The following UGT2B28 variants were observed in gnomAD, a reference collection of about 807,000 sequenced individuals.
The protein encoded by UGT2B28 is UDP glucuronosyltransferase family 2 member B28.
In UGT2B28, 45 loss-of-function variants were observed where a neutral mutation model predicts 43.6. That is an observed-to-expected ratio of 1.03 (90% CI 0.81 to 1.32). The LOEUF is 1.32. UGT2B28 is among the 40% of genes most tolerant of loss of function. The pLI, the probability that UGT2B28 is intolerant of heterozygous loss-of-function variation, is 0.00. For missense variants in UGT2B28, 649 were observed against 625.5 expected, an observed-to-expected ratio of 1.04 and a Z score of -0.40; for synonymous variants, 204 against 208.1, an observed-to-expected ratio of 0.98 and a Z score of 0.17.
intron 5 of UGT2B28, among the ~76,000 whole-genome samples, chr4:69,293,367 G>T (rs1468868832): frequency 7.1e-6 from 1 of 140,160 alleles, no homozygotes; most frequent in Non-Finnish European, 1.5e-5. Context: ...TGTTCAAGAT[G>T]ATCTTCCATT....
At chr4:69,285,648 A>T (rs1399475038) in intron 2 of UGT2B28, among the ~76,000 whole-genome samples, 1 of 141,296 alleles carries the variant, frequency 7.1e-6, no homozygotes, top group East Asian at 2.0e-4. Flanking sequence ...ACATTTAGAC[A>T]TTTTTTTCTT....
chr4:69,290,833 A>G, intron 5 of UGT2B28, 22 bp downstream of exon 5: 1 of 1,548,310 alleles, frequency 6.5e-7, no homozygotes, highest in Non-Finnish European at 8.7e-7. Context: ...AGTATTTTTC[A>G]CTAGGTGGTA....
At chr4:69,291,121 C>T (rs1329592662) in intron 5 of UGT2B28, among the ~76,000 whole-genome samples, 2 of 140,226 alleles carry the variant, frequency 1.4e-5, no homozygotes, top group Non-Finnish European at 3.0e-5. Context: ...GAAGAATAAA[C>T]TTGAAATATT....
intron 3 of UGT2B28, among the ~76,000 whole-genome samples, chr4:69,289,379 G>C (rs771396319): frequency 7.1e-6 from 1 of 140,196 alleles, no homozygotes; most frequent in Non-Finnish European, 1.5e-5. Context: ...ATGGTTGGCC[G>C]CAGGTAGGTC....
chr4:69,283,398 A>C (rs545726980), intron 2 of UGT2B28, among the ~76,000 whole-genome samples: 6 of 140,198 alleles, frequency 4.3e-5, no homozygotes, highest in Non-Finnish European at 7.6e-5. Context: ...TTAAGAAATA[A>C]ATATATATGA....
Position 69,283,021 on chromosome 4 carries a change from G to T in UGT2B28, c.870+359G>T, listed in dbSNP as rs552081734. Among the ~76,000 whole-genome samples the T allele has an allele frequency of 1.1e-4, 15 of 140,276 alleles. 1 individual carries two copies. The highest frequency in any genetic ancestry group is 3.9e-4 in the African/African-American group (14 of 35,914). The allele number at this position is 140,276 out of a possible 152,430, so 92.0% of individuals were successfully genotyped here. A position where few individuals can be genotyped will look rare whatever the true frequency, so the allele number is the denominator to read the frequency against. On this transcript the variant is annotated intron_variant, in intron 2 of 5. Transcript: ENST00000335568. ...CAGAGAAAAAAAATAGACAGTTTCC[G>T]TCTGCACATACCTTACATTCTACTT... is the stretch of plus-strand genomic sequence containing the variant.
intron 5 of UGT2B28, among the ~76,000 whole-genome samples, chr4:69,292,765 A>G (rs1382586155): frequency 7.1e-6 from 1 of 140,400 alleles, no homozygotes; most frequent in African/African-American, 2.8e-5. Context: ...CTTAGGAAAT[A>G]TAAAAAGATT....
chr4:69,282,323 T>C (rs1423774944), intron 1 of UGT2B28, among the ~76,000 whole-genome samples, 191 bp from the exon 2 acceptor site: 3 of 140,180 alleles, frequency 2.1e-5, no homozygotes, highest in Non-Finnish European at 4.6e-5. Flanking sequence ...TTGCCTTTCT[T>C]ATAAATAAAC....
At chr4:69,292,007 T>C (rs961239999) in intron 5 of UGT2B28, among the ~76,000 whole-genome samples, 4 of 140,544 alleles carry the variant, frequency 2.8e-5, no homozygotes, top group Admixed American at 7.1e-5. Context: ...TGATCATTCA[T>C]ATATCTTCTT....
chr4:69,290,255 C>G (rs539586949), intron 4 of UGT2B28, among the ~76,000 whole-genome samples: 1 of 139,954 alleles, frequency 7.1e-6, no homozygotes, highest in South Asian at 2.4e-4. Flanking sequence ...CTTGCACACC[C>G]CACATATCAC....
At position 69,281,124 on chromosome 4, in the gene UGT2B28, G is replaced by C. The variant is rs1251373684; in HGVS notation, c.624G>C (p.Met208Ile). 3.2e-6 allele frequency: 5 copies of C among 1,558,592 alleles called. 2 individuals carry two copies. The highest frequency in any genetic ancestry group is 4.3e-6 in the Non-Finnish European group (5 of 1,155,060). ...AATTAAGTGATCAAATGACTTTCATGGAGAGGGTAAAAAACATGATCTATG... is the reference window on the plus strand; with the variant it reads ...AATTAAGTGATCAAATGACTTTCATCGAGAGGGTAAAAAACATGATCTATG... ...MSKLSDQMTF[M>I]ERVKNMIYVL... The change falls in exon 1 of 6, where the codon ATG becomes ATC. Residue 208 changes from methionine (M) to isoleucine (I), a missense_variant. Transcript: ENST00000335568.
chr4:69,290,409 G>A lies in UGT2B28; in HGVS notation c.1091-183G>A, dbSNP rs762943585. ...ATTCAGTTTTGCACCCTGAAGTTAT[G>A]CACACCACGGAGACTTCAATTACAT... On this transcript the variant is annotated intron_variant, in intron 4 of 5. Coordinates refer to ENST00000335568, the MANE Select transcript of UGT2B28 (RefSeq NM_053039.2). 1.0e-4 allele frequency among the ~76,000 whole-genome samples: 14 copies of A among 139,926 alleles called. 3 individuals carry two copies. Among genetic ancestry groups the A allele is most frequent in the Admixed American group, 2.9e-4 (4 of 13,868 alleles). 91.8% of individuals were successfully genotyped at this position (139,926 alleles called of 152,430 possible). A position where few individuals can be genotyped will look rare whatever the true frequency, so the allele number is the denominator to read the frequency against.
intron 3 of UGT2B28, 124 bp from the exon 4 acceptor site, chr4:69,289,541 T>A: frequency 1.1e-6 from 1 of 883,178 alleles, no homozygotes; most frequent in South Asian, 2.7e-5. Flanking sequence ...TGTTTTTACA[T>A]CAATCTCTGA....
rs565323989 is a variant in UGT2B28, at chr4:69,292,562, T to A, written c.1310+1751T>A. ...TTTTAATAAAAGAGCAAATAATGAG[T>A]AAGGACATAAAACACTTGAAGAATA... On this transcript the variant is annotated intron_variant, in intron 5 of 5. Coordinates refer to ENST00000335568, the MANE Select transcript of UGT2B28 (RefSeq NM_053039.2). Among the ~76,000 whole-genome samples the A allele has an allele frequency of 2.2e-3, 307 of 140,350 alleles. 71 individuals are homozygous for A. The highest frequency in any genetic ancestry group is 8.4e-3 in the African/African-American group (301 of 36,004). 92.1% of individuals were successfully genotyped at this position (140,350 alleles called of 152,430 possible).
rs1159988457 is a variant in UGT2B28, at chr4:69,286,402, TC to T, written c.871-348del. Among the ~76,000 whole-genome samples the T allele has an allele frequency of 2.8e-5, 4 of 140,584 alleles. 1 individual carries two copies. The highest frequency in any genetic ancestry group is 6.1e-5 in the Non-Finnish European group (4 of 65,830). The allele number at this position is 140,584 out of a possible 152,430, so 92.2% of individuals were successfully genotyped here. ...CATTAAAGCCTAGTGGTGCCACTTTTCCAAGAACTTATATTAGTAATTATAG... is the reference window on the plus strand; with the variant it reads ...CATTAAAGCCTAGTGGTGCCACTTTTCAAGAACTTATATTAGTAATTATAG... On this transcript the variant is annotated intron_variant, in intron 2 of 5. Coordinates refer to ENST00000335568, the MANE Select transcript of UGT2B28 (RefSeq NM_053039.2).
chr4:69,280,724 A>C lies in UGT2B28; in HGVS notation c.224A>C (p.Glu75Ala). 6.4e-7 allele frequency: 1 copy of C among 1,560,778 alleles called. No individual in the cohort carries two copies. Among genetic ancestry groups the C allele is most frequent in the Non-Finnish European group, 8.7e-7 (1 of 1,155,968 alleles). The change falls in exon 1 of 6, where the codon GAA (glutamate) becomes GCA (alanine). Residue 75 changes from glutamate (E) to alanine (A), a missense_variant. Coordinates refer to ENST00000335568, the MANE Select transcript of UGT2B28 (RefSeq NM_053039.2). Reference protein sequence around the residue: ...DPNDAFTLKLEVYPTSLTKTE... With the variant: ...DPNDAFTLKLAVYPTSLTKTE... The stretch of plus-strand genomic sequence containing the variant: ...AATGACGCATTCACTCTTAAACTCG[A>C]AGTTTATCCTACATCTTTAACTAAA...
chr4:69,294,872 A>T lies in UGT2B28; in HGVS notation c.*63A>T. ...GGGTTGACATCAGTTTATTCCAGCA[A>T]GAAAGAAAAGATTGTTATGCAAGAT... is the stretch of plus-strand genomic sequence containing the variant. On this transcript the variant is annotated 3_prime_UTR_variant, in exon 6 of 6. Coordinates refer to ENST00000335568, the MANE Select transcript of UGT2B28 (RefSeq NM_053039.2). The T allele has an allele frequency of 2.8e-6, 4 of 1,416,692 alleles. No individual in the cohort carries two copies. The highest frequency in any genetic ancestry group is 9.2e-7 in the Non-Finnish European group (1 of 1,083,678). The allele number at this position is 1,416,692 out of a possible 1,614,324, so 87.8% of individuals were successfully genotyped here. A position where few individuals can be genotyped will look rare whatever the true frequency, so the allele number is the denominator to read the frequency against.
chr4:69,285,774 T>A (rs377093134), intron 2 of UGT2B28, among the ~76,000 whole-genome samples: 1 of 140,890 alleles, frequency 7.1e-6, no homozygotes, highest in Non-Finnish European at 1.5e-5. Context: ...CTCAATCAAT[T>A]GCAGCCAAGC....
Position 69,294,078 on chromosome 4 carries a change from C to T in UGT2B28, c.1311-452C>T, listed in dbSNP as rs183786217. On this transcript the variant is annotated intron_variant, in intron 5 of 5. Coordinates refer to ENST00000335568, the MANE Select transcript of UGT2B28 (RefSeq NM_053039.2). ...ATGATGTTGAGCAGGTACTCATATG[C>T]CTGTTTGAGAACTAAGAGTGTAATT... Among the ~76,000 whole-genome samples, 54 of 139,686 alleles carry T rather than the reference C, an allele frequency of 3.9e-4. 10 individuals carry two copies. Among genetic ancestry groups the T allele is most frequent in the Admixed American group, 7.2e-4 (10 of 13,932 alleles). 91.6% of individuals were successfully genotyped at this position (139,686 alleles called of 152,430 possible).
Sources: gnomAD v4.1 joint callset for allele counts (sites outside exome capture counted in the v4.1 genomes callset) on GRCh38, gnomAD v4.1.1 for gene constraint, MANE v1.5 for transcripts, NCBI Gene and HGNC (gene_info 2026-07-23, HGNC 2026-07-21) for gene names.